AUTS2: variants seen among roughly 807,000 people sequenced by gnomAD.
AUTS2 encodes the protein autism susceptibility gene 2 protein.
A neutral mutation model predicts 112.4 loss-of-function variants in AUTS2; 17 were observed. The ratio of observed to expected loss-of-function variants is 0.15; its 90% CI spans 0.10 to 0.23. The LOEUF (loss-of-function observed/expected upper bound fraction) is 0.23. Among genes scored for constraint, AUTS2 ranks in the 10% least tolerant of loss-of-function variants. The probability of loss-of-function intolerance (pLI) is 1.00; values close to 1 mark genes in which losing one functional copy is unlikely to be tolerated. For missense variants in AUTS2, 1,510 were observed against 1,701.6 expected (o/e 0.89, Z 1.98); for synonymous variants, 751 against 702.7 (o/e 1.07, Z -1.09).
intron 2 of AUTS2, among the ~76,000 whole-genome samples, chr7:70,062,088 G>A (rs1303019682): frequency 1.3e-5 from 2 of 151,530 alleles, no homozygotes; most frequent in Non-Finnish European, 2.9e-5. Context: ...GTGCCCAGCC[G>A]AGTTGTTTCT....
At chr7:70,182,783 TAA>T (rs904897123) in intron 4 of AUTS2, among the ~76,000 whole-genome samples, 3 of 132,720 alleles carry the variant, frequency 2.3e-5, no homozygotes, top group Non-Finnish European at 1.6e-5. Flanking sequence ...AGATTCTTCA[TAA>T]AAAAAAAAAA....
At chr7:70,258,403 G>C (rs140093391) in intron 4 of AUTS2, among the ~76,000 whole-genome samples, 4,143 of 152,338 alleles carry the variant, frequency 0.027, 77 homozygotes, top group Middle Eastern at 0.11. Context: ...TCTGTGAACA[G>C]TGTTGGTTCA....
chr7:69,857,715 G>A (rs1178860978), intron 1 of AUTS2, among the ~76,000 whole-genome samples: 1 of 152,074 alleles, frequency 6.6e-6, no homozygotes, highest in Non-Finnish European at 1.5e-5. Context: ...TTCCCGGGAG[G>A]CTGAGGCAGG....
At chr7:69,886,987 G>C (rs2129538439) in intron 1 of AUTS2, among the ~76,000 whole-genome samples, 1 of 152,212 alleles carries the variant, frequency 6.6e-6, no homozygotes, top group South Asian at 2.1e-4. Context: ...CTGTTGCCCA[G>C]GCTGGTCTTG....
chr7:69,894,815 C>G (rs185094529), intron 1 of AUTS2, among the ~76,000 whole-genome samples: 1 of 152,276 alleles, frequency 6.6e-6, no homozygotes, highest in Admixed American at 6.5e-5. Flanking sequence ...TGTTCTGCCA[C>G]TCTTCATTTG....
rs560593373 is a variant in AUTS2, at chr7:70,018,402, A to T, written c.523-99730A>T. On this transcript the variant is annotated intron_variant, in intron 2 of 18. Transcript: ENST00000342771. Reference sequence around the variant, plus strand: ...ACACTTTATCAGGACTGAAGGGTATACCAGGATCTAACGATCAACTTCAAC... The same window carrying T: ...ACACTTTATCAGGACTGAAGGGTATTCCAGGATCTAACGATCAACTTCAAC... Among the ~76,000 whole-genome samples, 3 of 152,344 alleles carry T rather than the reference A, an allele frequency of 2.0e-5. No individual in the cohort carries two copies. In the South Asian group the frequency reaches 6.2e-4, roughly 32 times the overall value.
rs181689286 is a variant in AUTS2, at chr7:70,455,403, C to T, written c.690+19622C>T. Among the ~76,000 whole-genome samples the T allele has an allele frequency of 3.9e-5, 6 of 152,208 alleles. No homozygotes were observed. In the East Asian group the frequency reaches 5.8e-4, roughly 15 times the overall value. On this transcript the variant is annotated intron_variant, in intron 5 of 18. Coordinates refer to ENST00000342771, the MANE Select transcript of AUTS2 (RefSeq NM_015570.4). ...AGTGAAGATGCCCGCAGCATCTGTG[C>T]CTGGCCCTGGCTCATTCGTCTGATT...
intron 1 of AUTS2, among the ~76,000 whole-genome samples, chr7:69,618,600 T>C (rs1401384190): frequency 2.0e-5 from 3 of 152,174 alleles, no homozygotes; most frequent in Non-Finnish European, 4.4e-5. Flanking sequence ...TAAAATCATC[T>C]TTTTAGTACT....
At chr7:69,798,137 C>G (rs1789928500) in intron 1 of AUTS2, among the ~76,000 whole-genome samples, 1 of 152,126 alleles carries the variant, frequency 6.6e-6, no homozygotes, top group South Asian at 2.1e-4. Context: ...CTTTGTTGAT[C>G]TATTTCGAGC....
intron 4 of AUTS2, among the ~76,000 whole-genome samples, chr7:70,334,445 A>G (rs949868673): frequency 6.6e-6 from 1 of 152,220 alleles, no homozygotes; most frequent in East Asian, 1.9e-4. Context: ...TAGGTGCATG[A>G]CTAGTATCTG....
intron 4 of AUTS2, among the ~76,000 whole-genome samples, chr7:70,198,274 C>G (rs866426918): frequency 1.3e-5 from 2 of 149,618 alleles, no homozygotes; most frequent in African/African-American, 4.9e-5. Flanking sequence ...AACTCTAAAA[C>G]GCAGAGCGCC....
At chr7:70,229,776 G>A (rs1448281794) in intron 4 of AUTS2, among the ~76,000 whole-genome samples, 1 of 151,986 alleles carries the variant, frequency 6.6e-6, no homozygotes, top group African/African-American at 2.4e-5. Context: ...CTGTTCTTCA[G>A]ATTTACAACC....
At chr7:70,168,955 GA>G (rs1040461521) in intron 4 of AUTS2, among the ~76,000 whole-genome samples, 111 of 150,760 alleles carry the variant, frequency 7.4e-4, no homozygotes, top group African/African-American at 2.6e-3. Flanking sequence ...TCTAACAGAA[GA>G]AAAAAAAATT....
chr7:70,245,689 T>C (rs761744930), intron 4 of AUTS2, among the ~76,000 whole-genome samples: 9 of 152,270 alleles, frequency 5.9e-5, no homozygotes, highest in Non-Finnish European at 1.3e-4. Context: ...TTTGATTTGT[T>C]AGAAATAGTG....
At chr7:70,157,234 C>T (rs1316714229) in intron 4 of AUTS2, among the ~76,000 whole-genome samples, 2 of 152,000 alleles carry the variant, frequency 1.3e-5, no homozygotes, top group Non-Finnish European at 2.9e-5. Context: ...TCAGTTTTAT[C>T]ATACTCAACC....
intron 1 of AUTS2, among the ~76,000 whole-genome samples, chr7:69,638,784 G>C (rs945179802): frequency 1.3e-5 from 2 of 152,188 alleles, no homozygotes; most frequent in African/African-American, 4.8e-5. Flanking sequence ...CACCTGCCTA[G>C]AAACAAAAGA....
At chr7:69,648,397 T>G (rs1191422032) in intron 1 of AUTS2, among the ~76,000 whole-genome samples, 3 of 151,800 alleles carry the variant, frequency 2.0e-5, no homozygotes, top group Non-Finnish European at 1.5e-5. Flanking sequence ...GGTTCTCCTC[T>G]GAGGGGTTAG....
At chr7:70,267,604 T>C (rs1422730609) in intron 4 of AUTS2, among the ~76,000 whole-genome samples, 2 of 152,054 alleles carry the variant, frequency 1.3e-5, no homozygotes, top group African/African-American at 4.8e-5. Flanking sequence ...TGTGTGACAA[T>C]GGGAGAGATA....
At chr7:70,753,311 C>CA (rs982835460) in intron 6 of AUTS2, among the ~76,000 whole-genome samples, 3 of 152,150 alleles carry the variant, frequency 2.0e-5, no homozygotes, top group Non-Finnish European at 4.4e-5. Context: ...TGAAGGCCCT[C>CA]AGAGGTTTGT....
Sources: gnomAD v4.1 joint callset for allele counts (sites outside exome capture counted in the v4.1 genomes callset) on GRCh38, gnomAD v4.1.1 for gene constraint, MANE v1.5 for transcripts, NCBI Gene and HGNC (gene_info 2026-07-23, HGNC 2026-07-21) for gene names.